Variants in PCYT2 observed in about 807,000 individuals in gnomAD.
The protein encoded by PCYT2 is ethanolamine-phosphate cytidylyltransferase.
PCYT2 carries 33 observed loss-of-function variants against 50.0 expected under a neutral mutation model. The observed-to-expected ratio is 0.66, with a 90% CI of 0.50 to 0.88. The LOEUF (loss-of-function observed/expected upper bound fraction) is 0.88, where lower values mean the gene tolerates loss of function less well. Among genes scored for constraint, PCYT2 ranks in the 40% least tolerant of loss-of-function variants. The pLI is 0.00. For missense variants in PCYT2, 430 were observed against 519.7 expected, an observed-to-expected ratio of 0.83 and a Z score of 1.68; for synonymous variants, 240 against 203.7, an observed-to-expected ratio of 1.18 and a Z score of -1.52.
rs2040277277 is a variant in PCYT2 at position 81,906,523 on chromosome 17, C to G, written c.700G>C (p.Glu234Gln). The G allele has an allele frequency of 6.2e-7, 1 of 1,613,412 alleles. No homozygotes were observed. Among genetic ancestry groups the G allele is most frequent in the African/African-American group, 1.3e-5 (1 of 74,936 alleles). Residue 234 changes from glutamate to glutamine, a missense_variant, in exon 8 of 13, where the codon GAG becomes CAG. This residue lies in a region of PCYT2 where 248 missense variants were observed against 300.2 expected (regional missense o/e 0.83). Transcript: ENST00000538936. ...LFHIGHVDFL[E>Q]KVHRLAERPY... The stretch of plus-strand genomic sequence containing the variant: ...CTCTCTGCCAGCCTGTGCACCTTCT[C>G]CAGGAAGTCCACATGCCCGATGTCT...
At chr17:81,908,686 C>G in intron 3 of PCYT2, 52 bp from the exon 4 acceptor site, 1 of 1,514,142 alleles carries the variant, frequency 6.6e-7, no homozygotes, top group Non-Finnish European at 9.2e-7. Flanking sequence ...CCACCAGAAC[C>G]TTCAGAGCCC....
At position 81,905,719 on chromosome 17, in the gene PCYT2, A is replaced by G; in HGVS notation, c.854T>C (p.Val285Ala). ...TGTGACCGCGTACGGGGCTCCAATC[A>G]CCACTTCTGACACGTACTGTGGGGA... ...VLACRYVSEV[V>A]IGAPYAVTAE... The change falls in exon 10 of 13, where the codon GTG becomes GCG. Residue 285 changes from valine (V) to alanine (A), a missense_variant. By Grantham distance (64) the Val-to-Ala change is moderately conservative (BLOSUM62 0). This residue lies in a region of PCYT2 where 248 missense variants were observed against 300.2 expected (regional missense o/e 0.83). Coordinates refer to ENST00000538936, the MANE Select transcript of PCYT2 (RefSeq NM_002861.5). 1 of 1,613,514 alleles carries G rather than the reference A, an allele frequency of 6.2e-7. No individual in the cohort carries two copies. The highest frequency in any genetic ancestry group is 8.5e-7 in the Non-Finnish European group (1 of 1,179,962).
chr17:81,901,722 T>C lies in PCYT2; in HGVS notation c.*3111A>G, dbSNP rs1245045604. ...TCCAGTGCCTTGGTGTGGCTGGCCT[T>C]CTTGCCCCCCTCCCAGAGGACCCCG... On this transcript the variant is annotated 3_prime_UTR_variant, in exon 13 of 13. Transcript: ENST00000538936. 1.3e-5 allele frequency: 2 copies of C among 152,274 alleles called. No individual in the cohort carries two copies. Among genetic ancestry groups the C allele is most frequent in the South Asian group, 2.1e-4 (1 of 4,836 alleles). 9.4% of individuals were successfully genotyped at this position (152,274 alleles called of 1,614,324 possible). A position where few individuals can be genotyped will look rare whatever the true frequency, so the allele number is the denominator to read the frequency against.
intron 12 of PCYT2, 59 bp downstream of exon 12, chr17:81,905,007 G>A: frequency 6.3e-7 from 1 of 1,584,748 alleles, no homozygotes; most frequent in Admixed American, 1.7e-5. Context: ...GGGAGGGCAC[G>A]GTAAGTCTAG....
intron 7 of PCYT2, 80 bp from the exon 8 acceptor site, chr17:81,906,626 G>A (rs907024598): frequency 1.5e-5 from 24 of 1,570,866 alleles, no homozygotes; most frequent in Middle Eastern, 1.7e-4. Flanking sequence ...GGGCCTCCCC[G>A]CCATCCTCCC....
intron 2 of PCYT2, 151 bp downstream of exon 2, chr17:81,909,363 C>T: frequency 6.9e-7 from 1 of 1,444,658 alleles, no homozygotes; most frequent in Non-Finnish European, 9.2e-7. Flanking sequence ...TTAGGCCATC[C>T]TCAGCTGGGG....
chr17:81,908,342 GC>G (rs1382862159), intron 4 of PCYT2, among the ~76,000 whole-genome samples: 1 of 152,240 alleles, frequency 6.6e-6, no homozygotes, highest in Non-Finnish European at 1.5e-5. Flanking sequence ...ACAAAGCTGT[GC>G]CTTTGGAGCC....
chr17:81,909,370 G>A, intron 2 of PCYT2, 144 bp downstream of exon 2: 1 of 1,444,212 alleles, frequency 6.9e-7, no homozygotes, highest in Non-Finnish European at 9.2e-7. Flanking sequence ...ATCCTCAGCT[G>A]GGGCTGGGCT....
At chr17:81,908,313 G>A (rs2143706981) in intron 4 of PCYT2, among the ~76,000 whole-genome samples, 1 of 152,354 alleles carries the variant, frequency 6.6e-6, no homozygotes, top group South Asian at 2.1e-4. Flanking sequence ...CGTCCCCCGA[G>A]CTCAACAGCT....
chr17:81,902,170 T>C lies in PCYT2; in HGVS notation c.*2663A>G. ...TGCACCCCAGCCCGCCCGCCGCCCC[T>C]CCCGGCCCTCCGCAGCCTCGGCCCG... On this transcript the variant is annotated 3_prime_UTR_variant, in exon 13 of 13. Transcript: ENST00000538936. The C allele has an allele frequency of 1.1e-5, 9 of 829,722 alleles. No homozygotes were observed. Among genetic ancestry groups the C allele is most frequent in the Non-Finnish European group, 1.4e-5 (9 of 635,624 alleles). 51.4% of individuals were successfully genotyped at this position (829,722 alleles called of 1,614,324 possible).
chr17:81,902,673 CG>C lies in PCYT2; in HGVS notation c.*2159del. On this transcript the variant is annotated 3_prime_UTR_variant, in exon 13 of 13. Coordinates refer to ENST00000538936, the MANE Select transcript of PCYT2 (RefSeq NM_002861.5). The stretch of plus-strand genomic sequence containing the variant: ...ACCTGCAGAGGTGCGAGCGGCTCCC[CG>C]ACGGCCGCGGGACCTACCAGTGCAA... The C allele has an allele frequency of 6.2e-7, 1 of 1,607,936 alleles. No homozygotes were observed. The highest frequency in any genetic ancestry group is 2.2e-5 in the East Asian group (1 of 44,630).
chr17:81,910,105 C>T (rs1246077514), intron 1 of PCYT2, among the ~76,000 whole-genome samples: 3 of 152,362 alleles, frequency 2.0e-5, no homozygotes, highest in South Asian at 2.1e-4. Context: ...AAAATCCTGT[C>T]TCTCCTCCCT....
chr17:81,910,952 C>T, intron 1 of PCYT2: 1 of 989,494 alleles, frequency 1.0e-6, no homozygotes, highest in Non-Finnish European at 1.2e-6. Flanking sequence ...CGGAGCCGGG[C>T]AAGCTGGTTG....
At chr17:81,909,360 ATCC>A in intron 2 of PCYT2, 151 bp downstream of exon 2, 1 of 1,445,154 alleles carries the variant, frequency 6.9e-7, no homozygotes, top group South Asian at 1.4e-5. Flanking sequence ...GCATTAGGCC[ATCC>A]TCAGCTGGGG....
At chr17:81,907,659 C>G in intron 5 of PCYT2, 61 bp from the exon 6 acceptor site, 1 of 1,600,270 alleles carries the variant, frequency 6.2e-7, no homozygotes, top group Non-Finnish European at 8.5e-7. Context: ...CACCCCAGAA[C>G]CGGCTGGGGA....
chr17:81,909,540 T>G lies in PCYT2; in HGVS notation c.152A>C (p.Tyr51Ser). The G allele has an allele frequency of 6.2e-7, 1 of 1,613,500 alleles. No individual in the cohort carries two copies. Among genetic ancestry groups the G allele is most frequent in the South Asian group, 1.1e-5 (1 of 91,082 alleles). ...QLRQARAMGD[Y>S]LIVGVHTDEE... ...ATCGGTGTGCACGCCTACGATGAGG[T>G]AGTCACCCATGGCCCGTGCCTGGCG... The change falls in exon 2 of 13, where the codon TAC becomes TCC. Residue 51 changes from tyrosine (Y) to serine (S), a missense_variant. Tyr to Ser is a moderately radical substitution (Grantham distance 144). Transcript: ENST00000538936.
rs2039984118 is a variant in PCYT2, at chr17:81,902,323, C to T, written c.*2510G>A. 2 of 1,339,950 alleles carry T rather than the reference C, an allele frequency of 1.5e-6. No homozygotes were observed. The highest frequency in any genetic ancestry group is 9.5e-7 in the Non-Finnish European group (1 of 1,052,792). The allele number at this position is 1,339,950 out of a possible 1,614,324, so 83.0% of individuals were successfully genotyped here. A position where few individuals can be genotyped will look rare whatever the true frequency, so the allele number is the denominator to read the frequency against. ...GGCGGCCGCCGCCCTGGCGCTGTGC[C>T]TGCTGCTGGCGCCGCCTGGCCTCGC... On this transcript the variant is annotated 3_prime_UTR_variant, in exon 13 of 13. Transcript: ENST00000538936.
At chr17:81,909,199 G>T in intron 2 of PCYT2, 162 bp from the exon 3 acceptor site, 3 of 1,445,130 alleles carry the variant, frequency 2.1e-6, no homozygotes, top group Non-Finnish European at 2.7e-6. Flanking sequence ...CAACTGGGTG[G>T]CTCTCTTCCC....
intron 9 of PCYT2, 164 bp from the exon 10 acceptor site, chr17:81,905,899 A>G (rs1312868042): frequency 1.3e-6 from 1 of 787,036 alleles, no homozygotes; most frequent in African/African-American, 1.7e-5. Flanking sequence ...ATGAGACAAG[A>G]AGGAACAGCA....
Sources: allele counts gnomAD v4.1 joint callset (sites outside exome capture counted in the v4.1 genomes callset), GRCh38; gene constraint gnomAD v4.1.1; regional missense constraint gnomAD v4.1.1; transcripts MANE v1.5; gene names NCBI Gene and HGNC (gene_info 2026-07-23, HGNC 2026-07-21).